The following MARCHF6 variants were observed in gnomAD, a reference collection of about 807,000 sequenced individuals.
MARCHF6 encodes the protein membrane associated ring-CH-type finger 6, also known as E3 ubiquitin-protein ligase MARCHF6.
A neutral mutation model predicts 133.7 loss-of-function variants in MARCHF6; 31 were observed. The observed-to-expected ratio is 0.23, with a 90% CI of 0.17 to 0.31. The LOEUF (loss-of-function observed/expected upper bound fraction) is 0.31. MARCHF6 is among the 10% of genes least tolerant of loss of function. MARCHF6 has a pLI of 1.00. For missense variants in MARCHF6, 723 were observed against 1,121.6 expected, an observed-to-expected ratio of 0.64 and a Z score of 5.08; for synonymous variants, 395 against 402.5, an observed-to-expected ratio of 0.98 and a Z score of 0.22.
chr5:10,408,849 C>A (rs1273210775), intron 17 of MARCHF6, among the ~76,000 whole-genome samples: 3 of 152,148 alleles, frequency 2.0e-5, no homozygotes, highest in African/African-American at 7.2e-5. Flanking sequence ...ATCATTCCAT[C>A]CTTTAAAATT....
At chr5:10,371,034 A>G (rs554346779) in intron 1 of MARCHF6, among the ~76,000 whole-genome samples, 4 of 152,206 alleles carry the variant, frequency 2.6e-5, no homozygotes, top group African/African-American at 9.6e-5. Context: ...AAAGGAGAGT[A>G]CTCTTGGAAT....
chr5:10,391,779 C>T (rs1263231243), intron 7 of MARCHF6, 48 bp downstream of exon 7: 1 of 1,410,312 alleles, frequency 7.1e-7, no homozygotes, highest in Non-Finnish European at 9.3e-7. Flanking sequence ...CAAATCTGTT[C>T]TCAACTTGCA....
chr5:10,397,010 A>G (rs557982072), intron 9 of MARCHF6, among the ~76,000 whole-genome samples: 8 of 152,338 alleles, frequency 5.3e-5, no homozygotes, highest in African/African-American at 1.2e-4. Flanking sequence ...ATGAAAATCT[A>G]TGTAATTTGT....
intron 22 of MARCHF6, among the ~76,000 whole-genome samples, chr5:10,421,068 T>C (rs984412740): frequency 6.6e-6 from 1 of 152,250 alleles, no homozygotes; most frequent in African/African-American, 2.4e-5. Context: ...GTTCTAGTTA[T>C]ACTTGTATTT....
intron 24 of MARCHF6, among the ~76,000 whole-genome samples, chr5:10,428,043 C>A (rs1012728594): frequency 6.6e-6 from 1 of 151,978 alleles, no homozygotes; most frequent in African/African-American, 2.4e-5. Flanking sequence ...CTAGCCCAGG[C>A]AACAGGCCAA....
At chr5:10,433,473 C>G in intron 25 of MARCHF6, 121 bp from the exon 26 acceptor site, 1 of 707,846 alleles carries the variant, frequency 1.4e-6, no homozygotes, top group South Asian at 1.7e-5. Context: ...TCACTCGGGA[C>G]TCCCTTTGAC....
chr5:10,423,132 C>A (rs1356803914), intron 22 of MARCHF6, among the ~76,000 whole-genome samples: 2 of 151,118 alleles, frequency 1.3e-5, no homozygotes, highest in Admixed American at 1.3e-4. Flanking sequence ...CGTTCATGAT[C>A]TGATTTGCAT....
rs547234571 is a variant in MARCHF6, at chr5:10,398,998, T to G, written c.913+1654T>G. On this transcript the variant is annotated intron_variant, in intron 10 of 25. Coordinates refer to ENST00000274140, the MANE Select transcript of MARCHF6 (RefSeq NM_005885.4). The stretch of plus-strand genomic sequence containing the variant: ...GTCATATGCTTTGCAGAAATATAAT[T>G]TGACAAAGCTGTGGTCTTCCACTAG... Among the ~76,000 whole-genome samples, 5 of 152,296 alleles carry G rather than the reference T, an allele frequency of 3.3e-5. No homozygotes were observed. The South Asian group carries it at 1.0e-3, about 32-fold the overall frequency.
chr5:10,391,452 T>TG, intron 6 of MARCHF6, 90 bp from the exon 7 acceptor site: 1 of 545,124 alleles, frequency 1.8e-6, no homozygotes. Context: ...TTTTTTTTTT[T>TG]TTTTTTTTTT....
chr5:10,368,826 G>A (rs926594066), intron 1 of MARCHF6, among the ~76,000 whole-genome samples: 13 of 152,126 alleles, frequency 8.5e-5, no homozygotes, highest in Admixed American at 3.3e-4. Context: ...GCCCACCATG[G>A]CCTCCCAAAG....
chr5:10,399,476 G>A (rs1440959783), intron 10 of MARCHF6, among the ~76,000 whole-genome samples: 2 of 151,804 alleles, frequency 1.3e-5, no homozygotes, highest in Non-Finnish European at 2.9e-5. Flanking sequence ...CTGCGCTGTC[G>A]ATTTATTTCT....
intron 1 of MARCHF6, 37 bp from the exon 2 acceptor site, chr5:10,377,761 A>G (rs758236224): frequency 6.9e-7 from 1 of 1,451,586 alleles, no homozygotes; most frequent in Admixed American, 1.7e-5. Context: ...AAAAAGTTAT[A>G]ACCAAAGGAA....
chr5:10,386,073 T>C (rs1737458174), intron 4 of MARCHF6, among the ~76,000 whole-genome samples: 2 of 152,148 alleles, frequency 1.3e-5, no homozygotes, highest in African/African-American at 4.8e-5. Flanking sequence ...TAAGAAGGCC[T>C]GTTGCACATG....
At chr5:10,406,030 C>T (rs1480394396) in intron 16 of MARCHF6, among the ~76,000 whole-genome samples, 2 of 152,204 alleles carry the variant, frequency 1.3e-5, no homozygotes. Flanking sequence ...TGAGCTCCAC[C>T]TCCTGTCAGA....
chr5:10,409,703 C>CA (rs1199234292), intron 17 of MARCHF6, among the ~76,000 whole-genome samples: 1 of 152,106 alleles, frequency 6.6e-6, no homozygotes, highest in Non-Finnish European at 1.5e-5. Context: ...AGGTCAGAAA[C>CA]AGGAAGCCAG....
At chr5:10,420,153 T>C (rs1739755801) in intron 22 of MARCHF6, among the ~76,000 whole-genome samples, 1 of 152,180 alleles carries the variant, frequency 6.6e-6, no homozygotes, top group Non-Finnish European at 1.5e-5. Flanking sequence ...GCTTCTTACG[T>C]TGTAGTTCAG....
At chr5:10,420,722 A>G (rs371227152) in intron 22 of MARCHF6, among the ~76,000 whole-genome samples, 6 of 152,358 alleles carry the variant, frequency 3.9e-5, no homozygotes, top group East Asian at 1.9e-4. Context: ...TCATGTCTGA[A>G]CACAGACAGA....
chr5:10,420,578 A>G (rs1739773186), intron 22 of MARCHF6, among the ~76,000 whole-genome samples: 1 of 152,236 alleles, frequency 6.6e-6, no homozygotes, highest in African/African-American at 2.4e-5. Flanking sequence ...CGTGGCATCA[A>G]GGAGCCATCT....
intron 24 of MARCHF6, among the ~76,000 whole-genome samples, chr5:10,429,484 C>T (rs1208783815): frequency 6.6e-6 from 1 of 151,622 alleles, no homozygotes; most frequent in Non-Finnish European, 1.5e-5. Flanking sequence ...CTGCAACCTC[C>T]ACCTCTCAGG....
Sources: allele counts gnomAD v4.1 joint callset (sites outside exome capture counted in the v4.1 genomes callset), GRCh38; gene constraint gnomAD v4.1.1; transcripts MANE v1.5; gene names NCBI Gene and HGNC (gene_info 2026-07-23, HGNC 2026-07-21).